AGTPBP1: variants seen among roughly 807,000 people sequenced by gnomAD.
AGTPBP1 encodes cytosolic carboxypeptidase 1.
A neutral mutation model predicts 143.9 loss-of-function variants in AGTPBP1; 70 were observed. The ratio of observed to expected loss-of-function variants is 0.49; its 90% CI spans 0.40 to 0.59. AGTPBP1 has a LOEUF of 0.59. Among genes scored for constraint, AGTPBP1 ranks in the 20% least tolerant of loss-of-function variants. The probability of loss-of-function intolerance (pLI) is 0.00; values close to 1 mark genes in which losing one functional copy is unlikely to be tolerated. For synonymous variants in AGTPBP1, 463 were observed against 500.2 expected (o/e 0.93, Z 0.99); for missense variants, 1,229 against 1,464.5 (o/e 0.84, Z 2.62).
At chr9:85,779,142 C>G in the AGTPBP1 span, among the ~76,000 whole-genome samples, 1 of 150,344 alleles carries the variant, frequency 6.7e-6, no homozygotes, top group African/African-American at 2.5e-5. Flanking sequence ...CTGTATTAGT[C>G]AGGGTTCTCT....
chr9:85,661,499 TG>T (rs1008783812), intron 8 of AGTPBP1, among the ~76,000 whole-genome samples: 1 of 152,108 alleles, frequency 6.6e-6, no homozygotes, highest in African/African-American at 2.4e-5. Context: ...ACTTGAAGGT[TG>T]GGGAGAAGTA....
At chr9:85,682,777 A>T (rs1835268495) in intron 3 of AGTPBP1, among the ~76,000 whole-genome samples, 1 of 152,168 alleles carries the variant, frequency 6.6e-6, no homozygotes, top group South Asian at 2.1e-4. Flanking sequence ...AGAAAAACAA[A>T]CTCAGGCTAA....
At chr9:85,606,393 A>G (rs931753819) in intron 17 of AGTPBP1, among the ~76,000 whole-genome samples, 8 of 97,248 alleles carry the variant, frequency 8.2e-5, no homozygotes, top group Non-Finnish European at 7.9e-5. Flanking sequence ...TTAAAAAGAG[A>G]AAAAAAAAAA....
intron 17 of AGTPBP1, among the ~76,000 whole-genome samples, chr9:85,615,493 C>T (rs577778028): frequency 6.6e-6 from 1 of 152,116 alleles, no homozygotes; most frequent in South Asian, 2.1e-4. Flanking sequence ...AATGATGCTG[C>T]TGAATAATAT....
intron 6 of AGTPBP1, among the ~76,000 whole-genome samples, chr9:85,674,041 T>G (rs28504681): frequency 0.25 from 36,756 of 148,514 alleles, 5,136 homozygotes; most frequent in East Asian, 0.54. Context: ...GAGAATGGCA[T>G]GAACCCAGGA....
At chr9:85,600,040 T>A (rs929215660) in intron 17 of AGTPBP1, among the ~76,000 whole-genome samples, 1 of 152,182 alleles carries the variant, frequency 6.6e-6, no homozygotes, top group Non-Finnish European at 1.5e-5. Flanking sequence ...TTGTTTGTTG[T>A]GTGGATGGAA....
chr9:85,653,225 G>C lies in AGTPBP1; in HGVS notation c.1087+1918C>G, dbSNP rs757530754. Among the ~76,000 whole-genome samples the C allele has an allele frequency of 2.7e-5, 4 of 149,648 alleles. No individual in the cohort carries two copies. The South Asian group carries it at 8.7e-4, about 33-fold the overall frequency. ...TTCGAGACCAGCCTGGGAAACATGG[G>C]GGGAGGAAGGAGGAGGAGGAGGAAG... On this transcript the variant is annotated intron_variant, in intron 11 of 25. Transcript: ENST00000357081.
intron 2 of AGTPBP1, among the ~76,000 whole-genome samples, chr9:85,701,369 A>G (rs1426982976): frequency 6.6e-6 from 1 of 151,702 alleles, no homozygotes; most frequent in Non-Finnish European, 1.5e-5. Flanking sequence ...AGCTAGGATT[A>G]CAGGCACCCA....
At chr9:85,762,411 T>C in the AGTPBP1 span, among the ~76,000 whole-genome samples, 2 of 151,910 alleles carry the variant, frequency 1.3e-5, no homozygotes, top group South Asian at 2.1e-4. Context: ...GAAAATGTGG[T>C]ACATATACAC....
At chr9:85,591,820 T>C (rs544602995) in intron 19 of AGTPBP1, among the ~76,000 whole-genome samples, 1 of 152,272 alleles carries the variant, frequency 6.6e-6, no homozygotes, top group African/African-American at 2.4e-5. Context: ...CTAATTAGAG[T>C]GTTCCAATTT....
At chr9:85,591,305 A>T (rs1489753122) in intron 19 of AGTPBP1, among the ~76,000 whole-genome samples, 3 of 152,042 alleles carry the variant, frequency 2.0e-5, no homozygotes, top group Non-Finnish European at 4.4e-5. Context: ...TTATGATAAG[A>T]TTAGCTATAA....
chr9:85,592,422 A>G, intron 19 of AGTPBP1, 138 bp downstream of exon 19: 1 of 565,658 alleles, frequency 1.8e-6, no homozygotes. Context: ...CTCAATTAGT[A>G]TAATTATCCT....
intron 3 of AGTPBP1, among the ~76,000 whole-genome samples, chr9:85,683,361 T>C (rs1835305838): frequency 6.6e-6 from 1 of 152,208 alleles, no homozygotes; most frequent in Non-Finnish European, 1.5e-5. Flanking sequence ...TGATGTAATA[T>C]TTTAAAGGCC....
In AGTPBP1 at chr9:85,690,616, C is replaced by T. The variant is rs552878468; in HGVS notation, c.157+2073G>A. Among the ~76,000 whole-genome samples, 6 of 150,748 alleles carry T rather than the reference C, an allele frequency of 4.0e-5. No homozygotes were observed. In the South Asian group the frequency reaches 1.3e-3, roughly 32 times the overall value. On this transcript the variant is annotated intron_variant, in intron 3 of 25. Transcript: ENST00000357081. ...GTACTTTCAGTGGTGGGAAGAAAGTCATTCTCTGACAGCGGTAGGGTCAGG... is the reference window on the plus strand; with the variant it reads ...GTACTTTCAGTGGTGGGAAGAAAGTTATTCTCTGACAGCGGTAGGGTCAGG...
intron 9 of AGTPBP1, among the ~76,000 whole-genome samples, chr9:85,659,233 T>TAA (rs1471966593): frequency 6.6e-6 from 1 of 152,168 alleles, no homozygotes; most frequent in Non-Finnish European, 1.5e-5. Flanking sequence ...TATTCATGTA[T>TAA]TCAGTGTACC....
intron 12 of AGTPBP1, among the ~76,000 whole-genome samples, chr9:85,645,467 C>T (rs763215190): frequency 2.0e-5 from 3 of 152,116 alleles, no homozygotes; most frequent in East Asian, 1.9e-4. Flanking sequence ...TTGACAGTTT[C>T]GCCAAAGCTT....
At chr9:85,578,891 T>C (rs771868228) in intron 24 of AGTPBP1, 29 bp downstream of exon 24, 3 of 1,602,922 alleles carry the variant, frequency 1.9e-6, no homozygotes, top group Non-Finnish European at 2.6e-6. Context: ...CAAATATCTT[T>C]CATGGTTAGA....
chr9:85,740,880 C>G (rs114276016), intron 1 of AGTPBP1, among the ~76,000 whole-genome samples: 2,231 of 152,240 alleles, frequency 0.015, 25 homozygotes, highest in Middle Eastern at 0.037. Flanking sequence ...TATGTTAAAA[C>G]GGGAAATGGG....
the AGTPBP1 span, among the ~76,000 whole-genome samples, chr9:85,785,306 C>G: frequency 4.7e-4 from 72 of 152,242 alleles, no homozygotes; most frequent in African/African-American, 1.7e-3. Flanking sequence ...TGCACTCCAA[C>G]CTGGGCGACA....
Sources: gnomAD v4.1 joint callset for allele counts (sites outside exome capture counted in the v4.1 genomes callset) on GRCh38, gnomAD v4.1.1 for gene constraint, MANE v1.5 for transcripts, NCBI Gene and HGNC (gene_info 2026-07-23, HGNC 2026-07-21) for gene names.